The following GRID2 variants were observed in gnomAD, a reference collection of about 807,000 sequenced individuals.
The protein encoded by GRID2 is glutamate receptor ionotropic, delta-2.
Under a neutral mutation model 114.8 loss-of-function variants are expected in GRID2, and 33 were observed. That is an observed-to-expected ratio of 0.29 (90% CI 0.22 to 0.38). The LOEUF is 0.38. Ranked by LOEUF, GRID2 falls within the 10% of genes least tolerant of loss-of-function variation. GRID2 has a pLI of 1.00. For synonymous variants in GRID2, 505 were observed against 449.9 expected (o/e 1.12, Z -1.55); for missense variants, 1,184 against 1,257.7 (o/e 0.94, Z 0.89).
chr4:93,416,090 C>G (rs142044157), intron 9 of GRID2, among the ~76,000 whole-genome samples: 3 of 152,082 alleles, frequency 2.0e-5, no homozygotes, highest in Admixed American at 1.3e-4. Flanking sequence ...TTCTTCTCTC[C>G]ATGAAACTCA....
chr4:92,936,228 T>G lies in GRID2; in HGVS notation c.245-148767T>G, dbSNP rs990825718. ...CATTATGAAACACTTTTGACACCAATTTGATCTGTTGACTAATAGTTCAAT... is the reference window on the plus strand; with the variant it reads ...CATTATGAAACACTTTTGACACCAAGTTGATCTGTTGACTAATAGTTCAAT... On this transcript the variant is annotated intron_variant, in intron 2 of 15. Coordinates refer to ENST00000282020, the MANE Select transcript of GRID2 (RefSeq NM_001510.4). Among the ~76,000 whole-genome samples the G allele has an allele frequency of 4.1e-4, 60 of 146,560 alleles. 6 individuals are homozygous for G. The highest frequency in any genetic ancestry group is 1.9e-3 in the Admixed American group (25 of 13,470).
intron 14 of GRID2, among the ~76,000 whole-genome samples, chr4:93,680,728 A>G (rs1208047358): frequency 1.3e-5 from 2 of 151,482 alleles, no homozygotes; most frequent in African/African-American, 4.9e-5. Context: ...AAATTCAACA[A>G]CCCTTCATGC....
intron 14 of GRID2, among the ~76,000 whole-genome samples, chr4:93,713,433 A>T (rs1728651753): frequency 6.7e-6 from 1 of 150,132 alleles, no homozygotes; most frequent in East Asian, 1.9e-4. Context: ...TGTGGAATTT[A>T]TTTATTTATT....
intron 2 of GRID2, among the ~76,000 whole-genome samples, chr4:93,041,197 A>G (rs1043904958): frequency 1.3e-5 from 2 of 152,192 alleles, no homozygotes; most frequent in South Asian, 2.1e-4. Context: ...TTTTGTTTGC[A>G]TACTGATAGT....
intron 1 of GRID2, among the ~76,000 whole-genome samples, chr4:92,316,899 G>A (rs1261081123): frequency 1.3e-5 from 2 of 152,108 alleles, no homozygotes; most frequent in Non-Finnish European, 2.9e-5. Flanking sequence ...AGGCTACAAA[G>A]TAAATACAAT....
At chr4:93,262,945 G>A (rs1313503579) in intron 8 of GRID2, among the ~76,000 whole-genome samples, 1 of 151,658 alleles carries the variant, frequency 6.6e-6, no homozygotes, top group Admixed American at 6.6e-5. Context: ...TTATGAAAGT[G>A]CCTATTTACA....
intron 2 of GRID2, among the ~76,000 whole-genome samples, chr4:92,931,238 A>G (rs1302225512): frequency 6.6e-6 from 1 of 151,056 alleles, no homozygotes; most frequent in Non-Finnish European, 1.5e-5. Context: ...TTAATAGAAT[A>G]AAGGAGAAAT....
At chr4:92,770,205 T>C (rs1738472761) in intron 2 of GRID2, among the ~76,000 whole-genome samples, 1 of 152,180 alleles carries the variant, frequency 6.6e-6, no homozygotes, top group Admixed American at 6.5e-5. Flanking sequence ...CCAGTCTCTT[T>C]GCTAAAACAT....
chr4:93,156,883 G>A (rs1329259063), intron 4 of GRID2, among the ~76,000 whole-genome samples: 1 of 151,618 alleles, frequency 6.6e-6, no homozygotes, highest in Non-Finnish European at 1.5e-5. Context: ...GAAGTGAAAA[G>A]TCAGTCACTC....
At chr4:92,463,649 T>C (rs767292671) in intron 1 of GRID2, among the ~76,000 whole-genome samples, 2 of 152,050 alleles carry the variant, frequency 1.3e-5, no homozygotes, top group African/African-American at 4.8e-5. Flanking sequence ...TGAAGGGCAC[T>C]GTTTATTCAC....
chr4:92,924,338 A>C (rs1288415262), intron 2 of GRID2, among the ~76,000 whole-genome samples: 1 of 152,024 alleles, frequency 6.6e-6, no homozygotes, highest in South Asian at 2.1e-4. Flanking sequence ...AGCATGGCAC[A>C]TGTATACATA....
intron 8 of GRID2, among the ~76,000 whole-genome samples, chr4:93,389,383 G>A (rs1259922997): frequency 6.6e-6 from 1 of 152,100 alleles, no homozygotes; most frequent in Admixed American, 6.6e-5. Flanking sequence ...GAATGACCCC[G>A]AAGAATCATG....
At chr4:92,803,213 C>A (rs1740257025) in intron 2 of GRID2, among the ~76,000 whole-genome samples, 1 of 151,830 alleles carries the variant, frequency 6.6e-6, no homozygotes, top group Admixed American at 6.6e-5. Context: ...TTAACCAAAG[C>A]TGGCATTCTA....
intron 8 of GRID2, among the ~76,000 whole-genome samples, chr4:93,269,207 T>C (rs1043817071): frequency 3.9e-5 from 6 of 152,170 alleles, no homozygotes; most frequent in African/African-American, 1.2e-4. Context: ...TTTTTGCACA[T>C]TAAAATCACC....
intron 13 of GRID2, among the ~76,000 whole-genome samples, chr4:93,558,937 A>G (rs1370170120): frequency 6.6e-6 from 1 of 152,208 alleles, no homozygotes; most frequent in Non-Finnish European, 1.5e-5. Flanking sequence ...CAGCATATGC[A>G]AATCAATAGA....
rs1292012808 is a variant in GRID2, at chr4:92,304,688, C to A, written c.32C>A (p.Ser11Tyr). The change falls in exon 1 of 16, where the codon TCC (serine) becomes TAC (tyrosine). Residue 11 changes from serine to tyrosine, a missense_variant. By Grantham distance (144) the Ser-to-Tyr change is moderately radical. Transcript: ENST00000282020. The part of the protein sequence containing the change: MEVFPFLLVL[S>Y]VWWSRTWDSA... The stretch of plus-strand genomic sequence containing the variant: ...GTTTTCCCCTTTCTCTTGGTTTTGT[C>A]CGTCTGGTGGTCTCGAACCTGGGAC... 1 of 1,613,394 alleles carries A rather than the reference C, an allele frequency of 6.2e-7. No homozygotes were observed. The highest frequency in any genetic ancestry group is 1.7e-5 in the Admixed American group (1 of 60,008).
At chr4:93,050,509 G>GGT (rs70942946) in intron 2 of GRID2, among the ~76,000 whole-genome samples, 13,536 of 143,920 alleles carry the variant, frequency 0.094, 676 homozygotes, top group Non-Finnish European at 0.13. Flanking sequence ...AATAATACCT[G>GGT]GTGTGTGTGT....
intron 1 of GRID2, among the ~76,000 whole-genome samples, chr4:92,479,906 A>G (rs1407321616): frequency 2.6e-5 from 4 of 152,174 alleles, no homozygotes; most frequent in Non-Finnish European, 1.5e-5. Flanking sequence ...GAATATTCAA[A>G]TAAATATCAA....
At chr4:93,179,789 A>G (rs1394725759) in intron 4 of GRID2, among the ~76,000 whole-genome samples, 4 of 152,126 alleles carry the variant, frequency 2.6e-5, no homozygotes, top group African/African-American at 9.7e-5. Context: ...TTCTCAAACA[A>G]CACTACTAAT....
Sources: allele counts gnomAD v4.1 joint callset (sites outside exome capture counted in the v4.1 genomes callset), GRCh38; gene constraint gnomAD v4.1.1; transcripts MANE v1.5; gene names NCBI Gene and HGNC (gene_info 2026-07-23, HGNC 2026-07-21).